RAP1GAP: variants seen among roughly 807,000 people sequenced by gnomAD.
The protein encoded by RAP1GAP is RAP1 GTPase activating protein.
In RAP1GAP, 35 loss-of-function variants were observed where a neutral mutation model predicts 87.2. The ratio of observed to expected loss-of-function variants is 0.40; its 90% CI spans 0.31 to 0.53. RAP1GAP has a LOEUF of 0.53. RAP1GAP is among the 20% of genes least tolerant of loss of function. The pLI, the probability that RAP1GAP is intolerant of heterozygous loss-of-function variation, is 0.48. For synonymous variants in RAP1GAP, 375 were observed against 363.9 expected (o/e 1.03, Z -0.35); for missense variants, 734 against 898.9 (o/e 0.82, Z 2.35).
rs1455977661 is a variant in RAP1GAP at position 21,668,038 on chromosome 1, T to C, written c.-149+1216A>G. ...CACTCAGCCACAGCCCTCAGGGCCCTGTGCCAGTCCAGAAGCCCATTCAGG... is the reference window on the plus strand; with the variant it reads ...CACTCAGCCACAGCCCTCAGGGCCCCGTGCCAGTCCAGAAGCCCATTCAGG... On this transcript the variant is annotated intron_variant, in intron 1 of 24. Coordinates refer to ENST00000374765, the MANE Select transcript of RAP1GAP (RefSeq NM_002885.4). The surrounding 1 kb of genome is among the most constrained non-coding windows in gnomAD (Gnocchi z 6.2). 6.6e-6 allele frequency among the ~76,000 whole-genome samples: 1 copy of C among 152,192 alleles called. No individual in the cohort carries two copies. Among genetic ancestry groups the C allele is most frequent in the Non-Finnish European group, 1.5e-5 (1 of 68,022 alleles).
chr1:21,609,620 C>A lies in RAP1GAP; in HGVS notation c.1026G>T (p.Val342=). 6.3e-7 allele frequency: 1 copy of A among 1,582,238 alleles called. No individual in the cohort carries two copies. Among genetic ancestry groups the A allele is most frequent in the Non-Finnish European group, 8.6e-7 (1 of 1,164,578 alleles). ...CCGGGAGGGGGGGTCCAAAGAAGGG[C>A]ACATCATCTCTTGCAGTGACAGAGA... ...YKVSVTARDD[V]PFFGPPLPDP... is the part of the protein sequence containing the mutation. The change falls in exon 15 of 25, where the codon GTG becomes GTT. Residue 342 remains valine, a synonymous_variant. Coordinates refer to ENST00000374765, the MANE Select transcript of RAP1GAP (RefSeq NM_002885.4). This position sits in a 1 kb window ranked among gnomAD's most constrained non-coding sequence, Gnocchi z 4.4.
Position 21,609,572 on chromosome 1 carries a change from C to T in RAP1GAP, c.1071+3G>A, listed in dbSNP as rs1314911648. ...TGCCCATGACTGGGGGGGTGCCCCT[C>T]ACCTTCCTGAACACAGCGGGGTCCG... is the stretch of plus-strand genomic sequence containing the variant. On this transcript the variant is annotated splice_donor_region_variant and intron_variant, in intron 15 of 24. Transcript: ENST00000374765. This position sits in a 1 kb window ranked among gnomAD's most constrained non-coding sequence, Gnocchi z 4.4. 2 of 1,533,358 alleles carry T rather than the reference C, an allele frequency of 1.3e-6. No homozygotes were observed. Among genetic ancestry groups the T allele is most frequent in the African/African-American group, 1.4e-5 (1 of 71,678 alleles). 95.0% of individuals were successfully genotyped at this position (1,533,358 alleles called of 1,614,324 possible). A position where few individuals can be genotyped will look rare whatever the true frequency, so the allele number is the denominator to read the frequency against.
Position 21,603,776 on chromosome 1 carries a change from C to T in RAP1GAP, c.1429-863G>A, listed in dbSNP as rs766648897. 28 of 1,530,558 alleles carry T rather than the reference C, an allele frequency of 1.8e-5. No individual in the cohort carries two copies. Among genetic ancestry groups the T allele is most frequent in the African/African-American group, 1.5e-4 (11 of 73,108 alleles). 94.8% of individuals were successfully genotyped at this position (1,530,558 alleles called of 1,614,324 possible). A position where few individuals can be genotyped will look rare whatever the true frequency, so the allele number is the denominator to read the frequency against. ...CCCAATATGGCCTCCGTCCTGAGAGCGAGCAGAGAACAGCGCGTGCAGGCA... is the reference window on the plus strand; with the variant it reads ...CCCAATATGGCCTCCGTCCTGAGAGTGAGCAGAGAACAGCGCGTGCAGGCA... On this transcript the variant is annotated intron_variant, in intron 18 of 24. Coordinates refer to ENST00000374765, the MANE Select transcript of RAP1GAP (RefSeq NM_002885.4). This position sits in a 1 kb window ranked among gnomAD's most constrained non-coding sequence, Gnocchi z 6.0.
In RAP1GAP at chr1:21,613,886, C is replaced by T. The variant is rs2080139157; in HGVS notation, c.395+100G>A. 1.6e-6 allele frequency: 2 copies of T among 1,223,792 alleles called. No homozygotes were observed. The highest frequency in any genetic ancestry group is 2.3e-6 in the Non-Finnish European group (2 of 858,064). The allele number at this position is 1,223,792 out of a possible 1,614,324, so 75.8% of individuals were successfully genotyped here. On this transcript the variant is annotated intron_variant, in intron 8 of 24. Coordinates refer to ENST00000374765, the MANE Select transcript of RAP1GAP (RefSeq NM_002885.4). This position sits in a 1 kb window ranked among gnomAD's most constrained non-coding sequence, Gnocchi z 4.7. ...CAACCTCAAGCAAATCCCTGCCCCT[C>T]TATGGGCCTTGATGAAGAGAGTGGG...
In RAP1GAP at chr1:21,603,930, G is replaced by A. The variant is rs575318959; in HGVS notation, c.1429-1017C>T. The stretch of plus-strand genomic sequence containing the variant: ...AGCAATGACTGGCAAGCAGCAGAGG[G>A]CGGGGGCAGAGAGAGAGAGACAGAG... On this transcript the variant is annotated intron_variant, in intron 18 of 24. Coordinates refer to ENST00000374765, the MANE Select transcript of RAP1GAP (RefSeq NM_002885.4). This position sits in a 1 kb window ranked among gnomAD's most constrained non-coding sequence, Gnocchi z 6.0. The A allele has an allele frequency of 6.2e-5, 93 of 1,510,766 alleles. 1 individual carries two copies. Among genetic ancestry groups the A allele is most frequent in the South Asian group, 1.5e-4 (12 of 78,700 alleles). 93.6% of individuals were successfully genotyped at this position (1,510,766 alleles called of 1,614,324 possible).
rs2092029099 is a variant in RAP1GAP at position 21,626,313 on chromosome 1, G to A, written c.-28C>T. The A allele has an allele frequency of 4.4e-6, 7 of 1,604,742 alleles. No homozygotes were observed. Among genetic ancestry groups the A allele is most frequent in the Non-Finnish European group, 6.0e-6 (7 of 1,171,578 alleles). On this transcript the variant is annotated 5_prime_UTR_variant, in exon 3 of 25. Coordinates refer to ENST00000374765, the MANE Select transcript of RAP1GAP (RefSeq NM_002885.4). Reference sequence around the variant, plus strand: ...GGAGGGGGACACTTACCTTAGGGTAGAGTGAAGGAGTATAGGAGGGAACTA... The same window carrying A: ...GGAGGGGGACACTTACCTTAGGGTAAAGTGAAGGAGTATAGGAGGGAACTA...
chr1:21,653,273 A>G (rs2096701616), intron 1 of RAP1GAP: 1 of 152,104 alleles, frequency 6.6e-6, no homozygotes, highest in Admixed American at 6.6e-5. Context: ...TTCTCTGCAC[A>G]TTCTGGTGGG....
chr1:21,602,134 C>T (rs545193828), intron 19 of RAP1GAP, among the ~76,000 whole-genome samples: 23 of 152,338 alleles, frequency 1.5e-4, no homozygotes, highest in African/African-American at 4.8e-4. Context: ...TCACAGCATG[C>T]GGAGCTCTGG....
chr1:21,629,375 T>C lies in RAP1GAP; in HGVS notation c.-112-2978A>G, dbSNP rs147117577. Among the ~76,000 whole-genome samples the C allele has an allele frequency of 2.6e-3, 397 of 152,250 alleles. 2 individuals are homozygous for C. The highest frequency in any genetic ancestry group is 9.0e-3 in the African/African-American group (376 of 41,564). On this transcript the variant is annotated intron_variant, in intron 2 of 24. Transcript: ENST00000374765. ...CCTGACAAACCCCCTTCCAGAACCC[T>C]CTCTGCCTCAGTCTCCCCATGTGTA...
At position 21,613,930 on chromosome 1, in the gene RAP1GAP, G is replaced by A; in HGVS notation, c.395+56C>T. The A allele has an allele frequency of 7.1e-7, 1 of 1,400,868 alleles. No homozygotes were observed. Among genetic ancestry groups the A allele is most frequent in the Non-Finnish European group, 9.9e-7 (1 of 1,007,338 alleles). The allele number at this position is 1,400,868 out of a possible 1,614,324, so 86.8% of individuals were successfully genotyped here. A position where few individuals can be genotyped will look rare whatever the true frequency, so the allele number is the denominator to read the frequency against. On this transcript the variant is annotated intron_variant, in intron 8 of 24. Coordinates refer to ENST00000374765, the MANE Select transcript of RAP1GAP (RefSeq NM_002885.4). This position sits in a 1 kb window ranked among gnomAD's most constrained non-coding sequence, Gnocchi z 4.7. ...GAGTGGGTCAAATGAGATGGGCTCTGAGATTGTAAGACCTCAGCCCTTCCT... is the reference window on the plus strand; with the variant it reads ...GAGTGGGTCAAATGAGATGGGCTCTAAGATTGTAAGACCTCAGCCCTTCCT...
At chr1:21,614,163 C>T in intron 7 of RAP1GAP, 74 bp from the exon 8 acceptor site, 1 of 1,018,962 alleles carries the variant, frequency 9.8e-7, no homozygotes, top group Non-Finnish European at 1.5e-6. Context: ...GCCAGAAAGC[C>T]AACCCACTCC....
intron 1 of RAP1GAP, among the ~76,000 whole-genome samples, chr1:21,664,160 T>C (rs897292789): frequency 5.9e-5 from 9 of 152,162 alleles, no homozygotes; most frequent in African/African-American, 2.2e-4. Context: ...TCTCCAGCTC[T>C]CATAGCAACC....
At chr1:21,639,774 G>A (rs151134860) in intron 2 of RAP1GAP, among the ~76,000 whole-genome samples, 3,926 of 152,188 alleles carry the variant, frequency 0.026, 80 homozygotes, top group Non-Finnish European at 0.035. Flanking sequence ...CGGTGGGCGG[G>A]GCAGCGTCTG....
At chr1:21,645,514 T>G (rs1045893207) in intron 2 of RAP1GAP, among the ~76,000 whole-genome samples, 1 of 151,952 alleles carries the variant, frequency 6.6e-6, no homozygotes, top group African/African-American at 2.4e-5. Flanking sequence ...TAAAATAAAA[T>G]AAAGAGAAGT....
chr1:21,637,757 G>C (rs1382089837), intron 2 of RAP1GAP, among the ~76,000 whole-genome samples: 1 of 151,990 alleles, frequency 6.6e-6, no homozygotes, highest in Non-Finnish European at 1.5e-5. Flanking sequence ...TGGAAAAGGG[G>C]GTTTGAGGCA....
rs920149481 is a variant in RAP1GAP, at chr1:21,608,342, C to T, written c.1167G>A (p.Thr389=). 2 of 1,613,042 alleles carry T rather than the reference C, an allele frequency of 1.2e-6. No homozygotes were observed. Among genetic ancestry groups the T allele is most frequent in the African/African-American group, 1.3e-5 (1 of 75,048 alleles). The change falls in exon 17 of 25, where the codon ACG becomes ACA. Residue 389 remains threonine, a synonymous_variant. Transcript: ENST00000374765. ...AGAGCGTCTCCAGGAGGGCGGCCCG[C>T]GTCCGCTCCTGTGGGCCAGGCCCGG... ...AEKFAKLEER[T]RAALLETLYE... is the part of the protein sequence containing the mutation.
At chr1:21,629,579 G>C (rs942937975) in intron 2 of RAP1GAP, among the ~76,000 whole-genome samples, 1 of 152,198 alleles carries the variant, frequency 6.6e-6, no homozygotes, top group Non-Finnish European at 1.5e-5. Flanking sequence ...TGCTGAGGCC[G>C]TAAGGGGCAG....
chr1:21,602,699 G>C, intron 19 of RAP1GAP, 105 bp downstream of exon 19: 1 of 976,224 alleles, frequency 1.0e-6, no homozygotes, highest in Admixed American at 2.5e-5. Flanking sequence ...TGGGGATGGA[G>C]AGGCAGAGGG....
Position 21,626,952 on chromosome 1 carries a change from C to G in RAP1GAP, c.-112-555G>C, listed in dbSNP as rs146696696. On this transcript the variant is annotated intron_variant, in intron 2 of 24. Coordinates refer to ENST00000374765, the MANE Select transcript of RAP1GAP (RefSeq NM_002885.4). The stretch of plus-strand genomic sequence containing the variant: ...GGTATTCCCACTTTACAGACAGGAC[C>G]CAGCTGTGCACAGAGGTCACACGGC... 7.9e-4 allele frequency: 363 copies of G among 456,726 alleles called. 3 individuals carry two copies. In the East Asian group the frequency reaches 0.019, roughly 24 times the overall value. The allele number at this position is 456,726 out of a possible 1,614,324, so 28.3% of individuals were successfully genotyped here.
Sources: allele counts gnomAD v4.1 joint callset (sites outside exome capture counted in the v4.1 genomes callset), GRCh38; gene constraint gnomAD v4.1.1; non-coding constraint Gnocchi (gnomAD v3.1); transcripts MANE v1.5; gene names NCBI Gene and HGNC (gene_info 2026-07-23, HGNC 2026-07-21).